LINGO2: variants seen among roughly 807,000 people sequenced by gnomAD.
LINGO2 encodes the protein leucine-rich repeat and immunoglobulin-like domain-containing nogo receptor-interacting protein 2.
LINGO2 carries 14 observed loss-of-function variants against 30.6 expected under a neutral mutation model. The observed-to-expected ratio is 0.46, with a 90% CI of 0.30 to 0.72. LINGO2 has a LOEUF of 0.72. LINGO2 is among the 30% of genes least tolerant of loss of function. The probability of loss-of-function intolerance (pLI) is 0.07; values close to 1 mark genes in which losing one functional copy is unlikely to be tolerated. For missense variants in LINGO2, 729 were observed against 751.7 expected (o/e 0.97, Z 0.35); for synonymous variants, 317 against 288.5 (o/e 1.10, Z -1.00).
At chr9:28,185,228 C>T (rs1227419281) in intron 4 of LINGO2, among the ~76,000 whole-genome samples, 3 of 152,188 alleles carry the variant, frequency 2.0e-5, no homozygotes, top group Non-Finnish European at 2.9e-5. Context: ...AGTGTGCAGA[C>T]ATTAAAGAGT....
At chr9:28,337,468 T>G (rs1311441901) in intron 3 of LINGO2, among the ~76,000 whole-genome samples, 1 of 152,084 alleles carries the variant, frequency 6.6e-6, no homozygotes, top group Non-Finnish European at 1.5e-5. Flanking sequence ...CTGCAGAAAT[T>G]TGTATAAGTA....
chr9:28,723,495 C>T, the LINGO2 span, among the ~76,000 whole-genome samples: 1 of 152,100 alleles, frequency 6.6e-6, no homozygotes, highest in African/African-American at 2.4e-5. Context: ...AAGGCCCAAC[C>T]TATCCCTTAG....
intron 4 of LINGO2, among the ~76,000 whole-genome samples, chr9:28,231,746 G>A (rs758131691): frequency 6.6e-6 from 1 of 151,962 alleles, no homozygotes; most frequent in African/African-American, 2.4e-5. Flanking sequence ...GGTAAGTATG[G>A]TAAAGATGCC....
the LINGO2 span, among the ~76,000 whole-genome samples, chr9:28,709,842 G>A: frequency 6.6e-6 from 1 of 151,810 alleles, no homozygotes. Flanking sequence ...TTTAATAAAT[G>A]TCAATTATTT....
intron 1 of LINGO2, among the ~76,000 whole-genome samples, chr9:28,579,627 G>A (rs1418813600): frequency 3.9e-5 from 6 of 151,964 alleles, no homozygotes; most frequent in Non-Finnish European, 8.8e-5. Context: ...ATATTTTAAT[G>A]AATCAAATAA....
chr9:28,126,053 T>C (rs931240457), intron 4 of LINGO2, among the ~76,000 whole-genome samples: 1 of 152,194 alleles, frequency 6.6e-6, no homozygotes, highest in African/African-American at 2.4e-5. Context: ...TAAGCAGCTC[T>C]GTCATGTTAA....
chr9:28,802,321 A>T, the LINGO2 span, among the ~76,000 whole-genome samples: 1 of 152,032 alleles, frequency 6.6e-6, no homozygotes, highest in East Asian at 1.9e-4. Context: ...AATGTCATCT[A>T]AAAGAAAAGT....
In LINGO2 at chr9:28,237,464, C is replaced by T. The variant is rs969252154; in HGVS notation, c.-87+57744G>A. 2.1e-4 allele frequency among the ~76,000 whole-genome samples: 32 copies of T among 151,922 alleles called. 1 individual carries two copies. The highest frequency in any genetic ancestry group is 4.4e-5 in the Non-Finnish European group (3 of 67,984). On this transcript the variant is annotated intron_variant, in intron 4 of 5. Coordinates refer to ENST00000379992, the Ensembl canonical transcript of LINGO2. ...CTTATCTGTCACTCAATAATAACATCGAATGTAAAGAAACCAAACTCTCCA... is the reference window on the plus strand; with the variant it reads ...CTTATCTGTCACTCAATAATAACATTGAATGTAAAGAAACCAAACTCTCCA...
chr9:28,784,937 ACT>A, the LINGO2 span, among the ~76,000 whole-genome samples: 1 of 146,622 alleles, frequency 6.8e-6, no homozygotes, highest in Admixed American at 6.8e-5. Context: ...ACAGAGCGAG[ACT>A]CTGTCTCAAA....
intron 1 of LINGO2, among the ~76,000 whole-genome samples, chr9:28,505,034 G>T (rs996918494): frequency 2.0e-5 from 3 of 151,960 alleles, no homozygotes; most frequent in East Asian, 1.9e-4. Flanking sequence ...ATGTGACTTG[G>T]TGTAAGCCAA....
intron 3 of LINGO2, among the ~76,000 whole-genome samples, chr9:28,330,756 T>C (rs768178038): frequency 6.6e-6 from 1 of 152,294 alleles, no homozygotes; most frequent in South Asian, 2.1e-4. Flanking sequence ...CTGTTTCTTT[T>C]ATGCTTAATG....
intron 1 of LINGO2, among the ~76,000 whole-genome samples, chr9:28,519,571 C>A (rs1402436396): frequency 6.6e-6 from 1 of 152,172 alleles, no homozygotes; most frequent in African/African-American, 2.4e-5. Context: ...ACTTTTAAAT[C>A]ATGTTTATGT....
At chr9:29,197,086 T>C in the LINGO2 span, among the ~76,000 whole-genome samples, 3 of 152,066 alleles carry the variant, frequency 2.0e-5, no homozygotes, top group African/African-American at 7.2e-5. Context: ...GACCAAAGTG[T>C]TGGAATTTTA....
At chr9:29,149,502 AGGCAACGCG>A in the LINGO2 span, among the ~76,000 whole-genome samples, 2 of 151,702 alleles carry the variant, frequency 1.3e-5, no homozygotes, top group Non-Finnish European at 2.9e-5. Flanking sequence ...GTTGATAGAG[AGGCAACGCG>A]GGCACCGAGA....
At chr9:28,037,472 TA>T (rs60891119) in intron 4 of LINGO2, among the ~76,000 whole-genome samples, 18 of 151,676 alleles carry the variant, frequency 1.2e-4, no homozygotes, top group Non-Finnish European at 8.8e-5. Flanking sequence ...CTGTCTCCTT[TA>T]AAAAAAAAGT....
intron 4 of LINGO2, among the ~76,000 whole-genome samples, chr9:28,120,560 T>C (rs1827065688): frequency 6.6e-6 from 1 of 152,220 alleles, no homozygotes; most frequent in African/African-American, 2.4e-5. Context: ...ACAATTTTAG[T>C]AGGTCTACAA....
At chr9:28,180,900 C>A (rs530632930) in intron 4 of LINGO2, among the ~76,000 whole-genome samples, 10 of 152,192 alleles carry the variant, frequency 6.6e-5, no homozygotes, top group Middle Eastern at 6.8e-3. Context: ...GGATTGTTCA[C>A]TACTCTAGTT....
the LINGO2 span, among the ~76,000 whole-genome samples, chr9:28,812,545 G>A: frequency 6.6e-6 from 1 of 152,092 alleles, no homozygotes; most frequent in African/African-American, 2.4e-5. Flanking sequence ...CCAATAGCAA[G>A]CCTTAGTTGC....
At chr9:28,893,345 C>A in the LINGO2 span, among the ~76,000 whole-genome samples, 4 of 151,992 alleles carry the variant, frequency 2.6e-5, no homozygotes, top group Non-Finnish European at 5.9e-5. Context: ...AACTATTTCC[C>A]ATCAATGACT....
Sources: gnomAD v4.1 joint callset for allele counts (sites outside exome capture counted in the v4.1 genomes callset) on GRCh38, gnomAD v4.1.1 for gene constraint, MANE v1.5 for transcripts, NCBI Gene and HGNC (gene_info 2026-07-23, HGNC 2026-07-21) for gene names.